Variants in PAN3 observed in about 807,000 individuals in gnomAD.
PAN3 encodes the protein poly(A) specific ribonuclease subunit PAN3.
PAN3 carries 19 observed loss-of-function variants against 96.2 expected under a neutral mutation model. The observed-to-expected ratio is 0.20, with a 90% CI of 0.14 to 0.29. The LOEUF (loss-of-function observed/expected upper bound fraction) is 0.29, where lower values mean the gene tolerates loss of function less well. PAN3 is among the 10% of genes least tolerant of loss of function. PAN3 has a pLI of 1.00. For synonymous variants in PAN3, 433 were observed against 406.6 expected (o/e 1.06, Z -0.78); for missense variants, 882 against 1,108.1 (o/e 0.80, Z 2.90).
At chr13:28,249,095 A>T (rs7996226) in intron 6 of PAN3, among the ~76,000 whole-genome samples, 27,229 of 152,104 alleles carry the variant, frequency 0.18, 3,571 homozygotes, top group African/African-American at 0.36. Context: ...AAGCCTGATT[A>T]AAAAAATGTT....
chr13:28,145,263 G>T (rs1870475121), intron 1 of PAN3, among the ~76,000 whole-genome samples: 1 of 151,976 alleles, frequency 6.6e-6, no homozygotes, highest in South Asian at 2.1e-4. Flanking sequence ...GTGTGTGTGT[G>T]TATGTGTGTA....
At chr13:28,286,454 T>A (rs1047651325) in intron 17 of PAN3, among the ~76,000 whole-genome samples, 2 of 152,170 alleles carry the variant, frequency 1.3e-5, no homozygotes, top group African/African-American at 4.8e-5. Context: ...CTTTTCTCAG[T>A]TCTCCTGTTT....
intron 5 of PAN3, among the ~76,000 whole-genome samples, chr13:28,211,125 T>A (rs1879979152): frequency 6.6e-6 from 1 of 152,122 alleles, no homozygotes; most frequent in Admixed American, 6.6e-5. Flanking sequence ...GATCTCAGAC[T>A]CTTGGCCTTG....
At chr13:28,213,366 C>T (rs985547715) in intron 5 of PAN3, among the ~76,000 whole-genome samples, 4 of 151,698 alleles carry the variant, frequency 2.6e-5, no homozygotes, top group Admixed American at 2.0e-4. Context: ...GAAAAACCAC[C>T]GTAGTGATAG....
intron 5 of PAN3, chr13:28,215,184 A>G (rs541070084): frequency 2.8e-6 from 2 of 714,058 alleles, no homozygotes; most frequent in African/African-American, 1.7e-5. Context: ...TGGCAGCACC[A>G]GTGGAACCAC....
intron 6 of PAN3, among the ~76,000 whole-genome samples, chr13:28,225,645 A>G (rs1881917453): frequency 6.6e-6 from 1 of 152,250 alleles, no homozygotes. Context: ...AGCCCAGTGT[A>G]CATTTTAACA....
chr13:28,239,552 C>G, intron 6 of PAN3: 1 of 1,227,748 alleles, frequency 8.1e-7, no homozygotes, highest in Non-Finnish European at 1.1e-6. Flanking sequence ...AGTAGCTGTT[C>G]TGATTTTTGT....
intron 2 of PAN3, among the ~76,000 whole-genome samples, chr13:28,175,195 A>G (rs1023859584): frequency 4.6e-5 from 7 of 152,198 alleles, no homozygotes; most frequent in African/African-American, 1.7e-4. Context: ...GGTTTTCTCC[A>G]TTATTACAAT....
At chr13:28,178,289 C>T (rs968941316) in intron 4 of PAN3, among the ~76,000 whole-genome samples, 6 of 152,048 alleles carry the variant, frequency 3.9e-5, no homozygotes, top group Non-Finnish European at 8.8e-5. Context: ...TTTTTGATGG[C>T]TTTATCTAAA....
At chr13:28,207,415 T>C (rs1879504485) in intron 5 of PAN3, among the ~76,000 whole-genome samples, 1 of 152,210 alleles carries the variant, frequency 6.6e-6, no homozygotes, top group African/African-American at 2.4e-5. Context: ...TTGTCTGATC[T>C]TGCCTCTCAT....
At chr13:28,173,784 C>T (rs566310337) in intron 1 of PAN3, among the ~76,000 whole-genome samples, 43 of 152,306 alleles carry the variant, frequency 2.8e-4, no homozygotes, top group African/African-American at 1.0e-3. Flanking sequence ...AGAGAACTAT[C>T]AGTATTCCTG....
Position 28,274,765 on chromosome 13 carries a change from T to C in PAN3, c.2050-2472T>C, listed in dbSNP as rs532060624. The stretch of plus-strand genomic sequence containing the variant: ...AAAGGATATATATCAGGCTTTCTTT[T>C]TTTGGGTATATATGTGTAGCTGATT... On this transcript the variant is annotated intron_variant, in intron 14 of 18. Transcript: ENST00000380958. Among the ~76,000 whole-genome samples the C allele has an allele frequency of 3.9e-5, 6 of 152,338 alleles. No individual in the cohort carries two copies. The South Asian group carries it at 1.2e-3, about 32-fold the overall frequency.
At chr13:28,152,274 T>C (rs971464217) in intron 1 of PAN3, among the ~76,000 whole-genome samples, 2 of 152,256 alleles carry the variant, frequency 1.3e-5, no homozygotes, top group African/African-American at 4.8e-5. Context: ...TATCCCCTGC[T>C]ATATGACCTT....
chr13:28,138,915 C>G lies in PAN3; in HGVS notation c.258C>G (p.Val86=). 2 of 1,371,660 alleles carry G rather than the reference C, an allele frequency of 1.5e-6. No homozygotes were observed. The highest frequency in any genetic ancestry group is 1.9e-6 in the Non-Finnish European group (2 of 1,064,696). The allele number at this position is 1,371,660 out of a possible 1,614,324, so 85.0% of individuals were successfully genotyped here. The change falls in exon 1 of 19, where the codon GTC becomes GTG. Residue 86 remains valine (V), a synonymous_variant. Transcript: ENST00000380958. ...GCCTCGGCCTCCATAGCAACAGCGTCCCCCTGGCTCTGGCTGGTGCACCCG... is the reference window on the plus strand; with the variant it reads ...GCCTCGGCCTCCATAGCAACAGCGTGCCCCTGGCTCTGGCTGGTGCACCCG... ...APGLGLHSNS[V]PLALAGAPVA...
At chr13:28,225,206 T>C (rs749560192) in intron 6 of PAN3, among the ~76,000 whole-genome samples, 3 of 152,066 alleles carry the variant, frequency 2.0e-5, no homozygotes, top group Non-Finnish European at 1.5e-5. Context: ...TTGAGAAATA[T>C]GTGAGGGAAA....
At chr13:28,150,399 G>A (rs1449511964) in intron 1 of PAN3, among the ~76,000 whole-genome samples, 1 of 152,140 alleles carries the variant, frequency 6.6e-6, no homozygotes, top group Non-Finnish European at 1.5e-5. Context: ...GCCGAGGCGG[G>A]CAGATCATGA....
intron 4 of PAN3, among the ~76,000 whole-genome samples, chr13:28,195,998 A>T (rs761694631): frequency 6.6e-6 from 1 of 150,986 alleles, no homozygotes; most frequent in African/African-American, 2.4e-5. Flanking sequence ...CATTATTAAT[A>T]TATTTGACTG....
At chr13:28,190,881 A>G (rs971794790) in intron 4 of PAN3, among the ~76,000 whole-genome samples, 24 of 152,190 alleles carry the variant, frequency 1.6e-4, no homozygotes, top group African/African-American at 5.8e-4. Context: ...TATCAAGGGG[A>G]TTGGGAATTT....
chr13:28,260,681 G>GAAGTTTT (rs1885631894), intron 8 of PAN3, 130 bp downstream of exon 8: 3 of 714,602 alleles, frequency 4.2e-6, no homozygotes, highest in Non-Finnish European at 6.5e-6. Context: ...ATCGAATTTA[G>GAAGTTTT]AAGTTTTAAT....
Sources: gnomAD v4.1 joint callset for allele counts (sites outside exome capture counted in the v4.1 genomes callset) on GRCh38, gnomAD v4.1.1 for gene constraint, MANE v1.5 for transcripts, NCBI Gene and HGNC (gene_info 2026-07-23, HGNC 2026-07-21) for gene names.